The following CA10 variants were observed in gnomAD, a reference collection of about 807,000 sequenced individuals.
CA10 encodes carbonic anhydrase-related protein 10.
A neutral mutation model predicts 44.2 loss-of-function variants in CA10; 14 were observed. The ratio of observed to expected loss-of-function variants is 0.32; its 90% CI spans 0.21 to 0.50. CA10 has a LOEUF of 0.50. Ranked by LOEUF, CA10 falls within the 20% of genes least tolerant of loss-of-function variation. The pLI, the probability that CA10 is intolerant of heterozygous loss-of-function variation, is 0.99. For missense variants in CA10, 350 were observed against 409.7 expected, an observed-to-expected ratio of 0.85 and a Z score of 1.26; for synonymous variants, 159 against 141.6, an observed-to-expected ratio of 1.12 and a Z score of -0.87.
chr17:51,979,534 T>C (rs1174790664), intron 2 of CA10, among the ~76,000 whole-genome samples: 10 of 152,160 alleles, frequency 6.6e-5, no homozygotes, highest in Non-Finnish European at 1.5e-4. Context: ...TTTGTGTTCA[T>C]GACTTCTCAT....
chr17:51,776,258 C>T (rs984265762), intron 3 of CA10, among the ~76,000 whole-genome samples: 1 of 152,000 alleles, frequency 6.6e-6, no homozygotes, highest in Non-Finnish European at 1.5e-5. Flanking sequence ...GTGAGTAGCC[C>T]CAGCTACTCG....
At chr17:51,772,893 AC>A (rs1465037471) in intron 3 of CA10, among the ~76,000 whole-genome samples, 2 of 152,126 alleles carry the variant, frequency 1.3e-5, no homozygotes, top group Non-Finnish European at 2.9e-5. Context: ...TCTGGGGAGC[AC>A]CTCGGGAGAC....
chr17:51,849,205 GTATATATATATATACATA>G (rs1225028609), intron 3 of CA10, among the ~76,000 whole-genome samples: 45 of 50,404 alleles, frequency 8.9e-4, no homozygotes, highest in African/African-American at 2.4e-3. Context: ...ATACATATAT[GTATATATATATATACATA>G]TATGTGTGTG....
chr17:51,830,988 A>G (rs907144141), intron 3 of CA10, among the ~76,000 whole-genome samples: 1 of 152,174 alleles, frequency 6.6e-6, no homozygotes, highest in Non-Finnish European at 1.5e-5. Flanking sequence ...ACCAACCTAT[A>G]TCAATCGAAT....
At chr17:51,745,254 G>A (rs549273818) in intron 4 of CA10, among the ~76,000 whole-genome samples, 1 of 152,256 alleles carries the variant, frequency 6.6e-6, no homozygotes, top group Non-Finnish European at 1.5e-5. Flanking sequence ...AATTGTCACA[G>A]TGGTCGCTAA....
chr17:51,905,242 C>T (rs1484387774), intron 3 of CA10, among the ~76,000 whole-genome samples: 2 of 152,272 alleles, frequency 1.3e-5, no homozygotes, highest in East Asian at 3.9e-4. Flanking sequence ...GAAAATGGGG[C>T]TTAGGCTTGG....
intron 3 of CA10, among the ~76,000 whole-genome samples, chr17:51,849,191 A>ATATATACATATATGTGTG (rs1185764150): frequency 1.5e-5 from 1 of 68,554 alleles, no homozygotes; most frequent in African/African-American, 9.1e-5. Flanking sequence ...ATGTATATAT[A>ATATATACATATATGTGTG]TATATACATA....
chr17:51,875,498 A>C, intron 3 of CA10, among the ~76,000 whole-genome samples: 1 of 152,086 alleles, frequency 6.6e-6, no homozygotes, highest in Non-Finnish European at 1.5e-5. Context: ...GTCCTTCTTC[A>C]TGTGGAGGCA....
intron 2 of CA10, among the ~76,000 whole-genome samples, chr17:51,982,827 T>A (rs1351972399): frequency 3.3e-5 from 5 of 151,874 alleles, no homozygotes; most frequent in South Asian, 4.1e-4. Context: ...AATATTAATC[T>A]TTGTCCCTGG....
At chr17:51,965,197 G>A (rs907846806) in intron 2 of CA10, among the ~76,000 whole-genome samples, 1 of 151,788 alleles carries the variant, frequency 6.6e-6, no homozygotes, top group Admixed American at 6.6e-5. Flanking sequence ...ACTGAATCAG[G>A]AAGAAATTGA....
intron 3 of CA10, among the ~76,000 whole-genome samples, chr17:51,867,618 C>T (rs999610771): frequency 2.6e-5 from 4 of 152,184 alleles, no homozygotes; most frequent in African/African-American, 9.7e-5. Flanking sequence ...ACAAACCAAC[C>T]AACCCCAAGC....
chr17:52,067,078 G>C (rs945685008), intron 2 of CA10, among the ~76,000 whole-genome samples: 1 of 152,204 alleles, frequency 6.6e-6, no homozygotes, highest in African/African-American at 2.4e-5. Context: ...GCAGAGATTT[G>C]CATAAGGAGC....
chr17:51,827,333 CACACACACACACACACACACAT>C, intron 3 of CA10, among the ~76,000 whole-genome samples: 1 of 96,180 alleles, frequency 1.0e-5, no homozygotes, highest in Non-Finnish European at 1.8e-5. Flanking sequence ...GAGAAACACG[CACACACACACACACACACACAT>C]ACACACACAC....
intron 3 of CA10, among the ~76,000 whole-genome samples, chr17:51,785,541 G>GA (rs1244754065): frequency 6.6e-6 from 1 of 152,108 alleles, no homozygotes; most frequent in Non-Finnish European, 1.5e-5. Context: ...AAGATGTAGA[G>GA]AAAAGGGAAC....
chr17:52,019,789 C>T (rs1986078439), intron 2 of CA10, among the ~76,000 whole-genome samples: 1 of 151,942 alleles, frequency 6.6e-6, no homozygotes. Flanking sequence ...CTTCTTTGAT[C>T]CATGGGTTAT....
chr17:51,876,345 CTTTT>C (rs767472733), intron 3 of CA10, among the ~76,000 whole-genome samples: 5 of 123,678 alleles, frequency 4.0e-5, no homozygotes, highest in African/African-American at 3.1e-5. Flanking sequence ...TTTTTTTCAT[CTTTT>C]TTTTTTTTTT....
At chr17:52,093,096 G>A (rs1988311912) in intron 1 of CA10, among the ~76,000 whole-genome samples, 2 of 152,022 alleles carry the variant, frequency 1.3e-5, no homozygotes, top group Admixed American at 1.3e-4. Context: ...GAATCTACTG[G>A]TAATATTAGT....
chr17:52,051,089 T>C (rs1208877022), intron 2 of CA10, among the ~76,000 whole-genome samples: 1 of 117,074 alleles, frequency 8.5e-6, no homozygotes, highest in Non-Finnish European at 1.8e-5. Context: ...AAATGAAGAG[T>C]GGGAAGGGAG....
intron 2 of CA10, among the ~76,000 whole-genome samples, chr17:51,999,157 G>A (rs1179015487): frequency 6.6e-6 from 1 of 152,018 alleles, no homozygotes; most frequent in Non-Finnish European, 1.5e-5. Flanking sequence ...AGAATGCCAA[G>A]CAAGCGTTGT....
Sources: gnomAD v4.1 joint callset for allele counts (sites outside exome capture counted in the v4.1 genomes callset) on GRCh38, gnomAD v4.1.1 for gene constraint, MANE v1.5 for transcripts, NCBI Gene and HGNC (gene_info 2026-07-23, HGNC 2026-07-21) for gene names.